The following DGKG variants were observed in gnomAD, a reference collection of about 807,000 sequenced individuals.
The protein encoded by DGKG is diacylglycerol kinase gamma, also known as DAG kinase gamma.
A neutral mutation model predicts 105.3 loss-of-function variants in DGKG; 78 were observed. The ratio of observed to expected loss-of-function variants is 0.74; its 90% CI spans 0.62 to 0.89. The LOEUF (loss-of-function observed/expected upper bound fraction) is 0.89, where lower values mean the gene tolerates loss of function less well. Ranked by LOEUF, DGKG falls within the 40% of genes least tolerant of loss-of-function variation. The probability of loss-of-function intolerance (pLI) is 0.00; values close to 1 mark genes in which losing one functional copy is unlikely to be tolerated. For missense variants in DGKG, 958 were observed against 1,020.1 expected (o/e 0.94, Z 0.83); for synonymous variants, 346 against 367.1 (o/e 0.94, Z 0.66).
At chr3:186,215,022 C>T (rs981216024) in intron 20 of DGKG, among the ~76,000 whole-genome samples, 5 of 152,152 alleles carry the variant, frequency 3.3e-5, no homozygotes, top group African/African-American at 1.2e-4. Context: ...GGAGGGGACA[C>T]AGAACTCAAG....
rs539489855 is a variant in DGKG, at chr3:186,301,500, G to A, written c.145-3271C>T. 3.0e-4 allele frequency among the ~76,000 whole-genome samples: 45 copies of A among 152,234 alleles called. 1 individual carries two copies. Among genetic ancestry groups the A allele is most frequent in the Middle Eastern group, 6.8e-3 (2 of 294 alleles). ...CCATTAGCTGGGCGTGGTGGCGGGC[G>A]CCTGTAGTCCCAGCTACTCGGGAGG... On this transcript the variant is annotated intron_variant, in intron 3 of 24. Transcript: ENST00000265022.
Position 186,149,951 on chromosome 3 carries a change from G to C in DGKG, c.*139C>G. On this transcript the variant is annotated 3_prime_UTR_variant, in exon 25 of 25. Coordinates refer to ENST00000265022, the MANE Select transcript of DGKG (RefSeq NM_001346.3). Reference sequence around the variant, plus strand: ...AGGTGACGTTTTCTTCCCGAAGGGTGGCTTTGCTTCCACTGGTTAGAGAAG... The same window carrying C: ...AGGTGACGTTTTCTTCCCGAAGGGTCGCTTTGCTTCCACTGGTTAGAGAAG... 4 of 1,427,594 alleles carry C rather than the reference G, an allele frequency of 2.8e-6. No homozygotes were observed. Among genetic ancestry groups the C allele is most frequent in the Non-Finnish European group, 3.7e-6 (4 of 1,094,228 alleles). The allele number at this position is 1,427,594 out of a possible 1,614,324, so 88.4% of individuals were successfully genotyped here.
intron 1 of DGKG, among the ~76,000 whole-genome samples, chr3:186,324,076 C>A (rs189384746): frequency 1.4e-5 from 2 of 147,970 alleles, no homozygotes; most frequent in Non-Finnish European, 3.0e-5. Flanking sequence ...CCACTGCACT[C>A]CAGCCTGGCG....
At chr3:186,176,216 T>C (rs921614927) in intron 22 of DGKG, among the ~76,000 whole-genome samples, 4 of 152,180 alleles carry the variant, frequency 2.6e-5, no homozygotes, top group African/African-American at 9.7e-5. Context: ...TGGCATTACT[T>C]TACCCACTGA....
intron 19 of DGKG, among the ~76,000 whole-genome samples, chr3:186,249,955 A>AC (rs1164792966): frequency 2.0e-5 from 3 of 152,172 alleles, no homozygotes; most frequent in African/African-American, 4.8e-5. Context: ...TTCAAAAGAA[A>AC]CACAGCTGAG....
chr3:186,347,483 A>C (rs1383533967), intron 1 of DGKG, among the ~76,000 whole-genome samples: 5 of 151,282 alleles, frequency 3.3e-5, no homozygotes, highest in Non-Finnish European at 5.9e-5. Flanking sequence ...AAATGATTAA[A>C]CCATTCACAC....
rs1370649498 is a variant in DGKG, at chr3:186,333,760, C to T, written c.-248-13053G>A. On this transcript the variant is annotated intron_variant, in intron 1 of 24. Transcript: ENST00000265022. ...TGGACCTGTCAGCGAAGAGACATTG[C>T]AGAGCCCTGGGCATGAGTATGGGGC... Among the ~76,000 whole-genome samples, 3 of 152,290 alleles carry T rather than the reference C, an allele frequency of 2.0e-5. No individual in the cohort carries two copies. The South Asian group carries it at 6.2e-4, about 32-fold the overall frequency.
At chr3:186,258,962 G>A (rs919998956) in intron 16 of DGKG, among the ~76,000 whole-genome samples, 2 of 152,176 alleles carry the variant, frequency 1.3e-5, no homozygotes, top group Non-Finnish European at 2.9e-5. Flanking sequence ...GGACACCTTG[G>A]GGGTGGAACT....
chr3:186,336,173 C>A (rs997596567), intron 1 of DGKG, among the ~76,000 whole-genome samples: 1 of 152,208 alleles, frequency 6.6e-6, no homozygotes, highest in African/African-American at 2.4e-5. Context: ...AGCAACTCTG[C>A]AGGACCATCT....
rs113614701 is a variant in DGKG, at chr3:186,210,452, G to A, written c.1917+1343C>T. Among the ~76,000 whole-genome samples, 2 of 152,198 alleles carry A rather than the reference G, an allele frequency of 1.3e-5. No individual in the cohort carries two copies. Among genetic ancestry groups the A allele is most frequent in the South Asian group, 4.1e-4 (2 of 4,828 alleles). ...CTGGGGACACACAACCTGGCGCCTG[G>A]CCTCTCTGCCCTCTTACCAAGCTGG... On this transcript the variant is annotated intron_variant, in intron 21 of 24. Transcript: ENST00000265022. This position sits in a 1 kb window ranked among gnomAD's most constrained non-coding sequence, Gnocchi z 5.2.
chr3:186,243,417 C>A (rs530474999), intron 19 of DGKG, among the ~76,000 whole-genome samples: 4 of 152,170 alleles, frequency 2.6e-5, no homozygotes, highest in Non-Finnish European at 5.9e-5. Flanking sequence ...ATCCTCTGAC[C>A]ACAACTCCCT....
chr3:186,296,292 C>T (rs1320404556), intron 5 of DGKG, among the ~76,000 whole-genome samples: 3 of 152,176 alleles, frequency 2.0e-5, no homozygotes, highest in African/African-American at 7.2e-5. Context: ...GGCACAGAGA[C>T]GTTGTTCAAA....
intron 7 of DGKG, chr3:186,281,188 C>T (rs149112338): frequency 5.3e-4 from 90 of 169,152 alleles, no homozygotes; most frequent in Non-Finnish European, 7.9e-4. Flanking sequence ...GTTTCTCTTG[C>T]ATGGAGGGTT....
intron 20 of DGKG, among the ~76,000 whole-genome samples, chr3:186,225,074 CTT>C (rs201108409): frequency 6.8e-6 from 1 of 146,142 alleles, no homozygotes; most frequent in Non-Finnish European, 1.5e-5. Flanking sequence ...TCATTTCTTT[CTT>C]TTTTTTTTTA....
In DGKG at chr3:186,255,622, G is replaced by A. The variant is rs542197318; in HGVS notation, c.1510+2232C>T. On this transcript the variant is annotated intron_variant, in intron 17 of 24. Coordinates refer to ENST00000265022, the MANE Select transcript of DGKG (RefSeq NM_001346.3). ...CTGAGTCCAGATGGAGAGGGATGGA[G>A]GTAGAAATAAGGCTGGAAGGGTGCG... Among the ~76,000 whole-genome samples, 11 of 152,340 alleles carry A rather than the reference G, an allele frequency of 7.2e-5. No individual in the cohort carries two copies. In the South Asian group the frequency reaches 1.9e-3, roughly 26 times the overall value.
At chr3:186,192,672 A>G (rs973043102) in intron 21 of DGKG, among the ~76,000 whole-genome samples, 1 of 152,182 alleles carries the variant, frequency 6.6e-6, no homozygotes, top group African/African-American at 2.4e-5. Flanking sequence ...GCCAGATCCT[A>G]CGCTGGAGAT....
chr3:186,225,584 A>G (rs1719819970), intron 20 of DGKG, among the ~76,000 whole-genome samples: 1 of 152,156 alleles, frequency 6.6e-6, no homozygotes, highest in Admixed American at 6.5e-5. Flanking sequence ...CTCTTGAGAA[A>G]TCAGATCTGT....
At chr3:186,230,879 T>G (rs1295258869) in intron 20 of DGKG, among the ~76,000 whole-genome samples, 1 of 152,210 alleles carries the variant, frequency 6.6e-6, no homozygotes, top group Non-Finnish European at 1.5e-5. Flanking sequence ...ATGAGTACAC[T>G]GCTGGGCTCA....
intron 2 of DGKG, among the ~76,000 whole-genome samples, chr3:186,312,179 T>C (rs1724588643): frequency 7.5e-6 from 1 of 134,040 alleles, no homozygotes; most frequent in East Asian, 2.2e-4. Context: ...TATTTGAGCA[T>C]TAGACCATTA....
Sources: gnomAD v4.1 joint callset for allele counts (sites outside exome capture counted in the v4.1 genomes callset) on GRCh38, gnomAD v4.1.1 for gene constraint, Gnocchi (gnomAD v3.1) non-coding constraint, MANE v1.5 for transcripts, NCBI Gene and HGNC (gene_info 2026-07-23, HGNC 2026-07-21) for gene names.